CRADD: variants seen among roughly 807,000 people sequenced by gnomAD.
CRADD encodes CARD and death domain containing adaptor protein.
CRADD carries 9 observed loss-of-function variants against 15.5 expected under a neutral mutation model. The observed-to-expected ratio is 0.58, with a 90% confidence interval of 0.35 to 1.01. The LOEUF (loss-of-function observed/expected upper bound fraction) is 1.01, where lower values mean the gene tolerates loss of function less well. Among genes scored for constraint, CRADD ranks in the 50% least tolerant of loss-of-function variants. The pLI is 0.02. For missense variants in CRADD, 227 were observed against 250.3 expected, an observed-to-expected ratio of 0.91 and a Z score of 0.63; for synonymous variants, 118 against 107.6, an observed-to-expected ratio of 1.10 and a Z score of -0.60.
chr12:93,852,836 A>AGAGTGT (rs144242033), downstream of CRADD, among the ~76,000 whole-genome samples: 3 of 149,492 alleles, frequency 2.0e-5, no homozygotes, highest in Admixed American at 2.0e-4. Context: ...GTTGGGTTGG[A>AGAGTGT]GTGTGTGTGT....
chr12:93,793,715 A>C (rs1164213945), intron 2 of CRADD, among the ~76,000 whole-genome samples: 1 of 152,202 alleles, frequency 6.6e-6, no homozygotes, highest in Admixed American at 6.5e-5. Context: ...AATAGGTGGA[A>C]GAAGTGGGAT....
rs1957810797 is a variant in CRADD, at chr12:93,825,212, G to T, written c.299-24758G>T. Among the ~76,000 whole-genome samples, 3 of 152,298 alleles carry T rather than the reference G, an allele frequency of 2.0e-5. No homozygotes were observed. The South Asian group carries it at 6.2e-4, about 32-fold the overall frequency. On this transcript the variant is annotated intron_variant, in intron 2 of 2. Coordinates refer to ENST00000332896, the MANE Select transcript of CRADD (RefSeq NM_003805.5). ...TGAACTAGCCCGAAATTACTGCCCAGTAATCCTCTTTCTCACTCAAGAGAT... is the reference window on the plus strand; with the variant it reads ...TGAACTAGCCCGAAATTACTGCCCATTAATCCTCTTTCTCACTCAAGAGAT...
chr12:93,682,181 CCTA>C, intron 2 of CRADD, among the ~76,000 whole-genome samples: 1 of 152,274 alleles, frequency 6.6e-6, no homozygotes, highest in East Asian at 1.9e-4. Flanking sequence ...AAATCCAGAA[CCTA>C]CTGCCTAAGA....
At chr12:93,687,985 C>G (rs1186946074) in intron 2 of CRADD, among the ~76,000 whole-genome samples, 2 of 152,176 alleles carry the variant, frequency 1.3e-5, no homozygotes, top group Non-Finnish European at 2.9e-5. Context: ...TCATTACAAA[C>G]TACATGCAGT....
rs549061721 is a variant in CRADD, at chr12:93,751,629, C to T, written c.298+72557C>T. On this transcript the variant is annotated intron_variant, in intron 2 of 2. Coordinates refer to ENST00000332896, the MANE Select transcript of CRADD (RefSeq NM_003805.5). ...CCTGTAATCCCAGCACTTTGGAAGG[C>T]GGAGGCAGGCGGATCACTTGAGGTC... Among the ~76,000 whole-genome samples the T allele has an allele frequency of 2.6e-3, 399 of 152,268 alleles. 4 individuals are homozygous for T. The highest frequency in any genetic ancestry group is 9.0e-3 in the African/African-American group (375 of 41,558).
At chr12:93,883,184 A>G (rs892162429) in intron 2 of CRADD, among the ~76,000 whole-genome samples, 1 of 152,232 alleles carries the variant, frequency 6.6e-6, no homozygotes, top group Admixed American at 6.5e-5. Flanking sequence ...CTAAAATTAG[A>G]GGGCAGGTTT....
At chr12:93,872,503 G>T (rs79667599) in intron 2 of CRADD, among the ~76,000 whole-genome samples, 1 of 151,976 alleles carries the variant, frequency 6.6e-6, no homozygotes, top group African/African-American at 2.4e-5. Flanking sequence ...GGAGATTTTC[G>T]CCAATGTTTT....
chr12:93,822,532 A>G (rs1957780034), intron 2 of CRADD, among the ~76,000 whole-genome samples: 1 of 152,152 alleles, frequency 6.6e-6, no homozygotes, highest in Non-Finnish European at 1.5e-5. Context: ...CCTAGTGGTG[A>G]TCCTGGGCTC....
At chr12:93,753,482 C>G (rs1592961604) in intron 2 of CRADD, among the ~76,000 whole-genome samples, 1 of 152,282 alleles carries the variant, frequency 6.6e-6, no homozygotes, top group African/African-American at 2.4e-5. Context: ...AGTCCAAAGT[C>G]TCATCTGAGA....
chr12:93,678,604 A>G (rs1955210813), intron 1 of CRADD, among the ~76,000 whole-genome samples, 165 bp from the exon 2 acceptor site: 1 of 152,220 alleles, frequency 6.6e-6, no homozygotes, highest in African/African-American at 2.4e-5. Flanking sequence ...GAAACATTCA[A>G]AATTAACCTG....
intron 2 of CRADD, among the ~76,000 whole-genome samples, chr12:93,785,142 C>G (rs970903852): frequency 2.6e-5 from 4 of 151,914 alleles, no homozygotes; most frequent in Non-Finnish European, 1.5e-5. Flanking sequence ...CCAAACACCT[C>G]TAAAAATAAT....
intron 2 of CRADD, among the ~76,000 whole-genome samples, chr12:93,795,866 G>C (rs971559816): frequency 6.6e-5 from 10 of 152,160 alleles, no homozygotes; most frequent in Non-Finnish European, 1.5e-4. Flanking sequence ...CAAGGGCAAG[G>C]ATATTAATTT....
At chr12:93,814,409 A>C (rs1957667686) in intron 2 of CRADD, among the ~76,000 whole-genome samples, 1 of 152,184 alleles carries the variant, frequency 6.6e-6, no homozygotes, top group Non-Finnish European at 1.5e-5. Flanking sequence ...CCCAGAGTAC[A>C]CAAGGTTCAA....
chr12:93,823,221 G>A (rs1297687691), intron 2 of CRADD, among the ~76,000 whole-genome samples: 1 of 151,802 alleles, frequency 6.6e-6, no homozygotes. Context: ...GAACCCAGGA[G>A]GTGGAAGTTG....
chr12:93,717,698 T>C (rs976701280), intron 2 of CRADD, among the ~76,000 whole-genome samples: 2 of 152,100 alleles, frequency 1.3e-5, no homozygotes, highest in Non-Finnish European at 2.9e-5. Context: ...TTTTTGTATT[T>C]TTAGTAGAGA....
At chr12:93,722,128 T>C (rs962513326) in intron 2 of CRADD, among the ~76,000 whole-genome samples, 6 of 152,212 alleles carry the variant, frequency 3.9e-5, no homozygotes, top group Non-Finnish European at 7.4e-5. Context: ...TCTAAGTTGG[T>C]GGGTTTTTTC....
At chr12:93,864,834 G>T (rs1204915243) in intron 2 of CRADD, among the ~76,000 whole-genome samples, 2 of 152,188 alleles carry the variant, frequency 1.3e-5, no homozygotes, top group Non-Finnish European at 2.9e-5. Flanking sequence ...TGCAAGTTAT[G>T]TAACTTCTCT....
intron 2 of CRADD, chr12:93,849,159 G>A (rs1324803937): frequency 3.3e-5 from 5 of 152,220 alleles, no homozygotes; most frequent in South Asian, 2.1e-4. Context: ...CCTCTAGCAC[G>A]TGCCTTTCCT....
Position 93,790,470 on chromosome 12 carries a change from TA to T in CRADD, c.299-59490del, listed in dbSNP as rs538814992. Among the ~76,000 whole-genome samples, 334 of 140,030 alleles carry T rather than the reference TA, an allele frequency of 2.4e-3. 1 individual carries two copies. The highest frequency in any genetic ancestry group is 7.1e-3 in the African/African-American group (265 of 37,374). 91.9% of individuals were successfully genotyped at this position (140,030 alleles called of 152,430 possible). A position where few individuals can be genotyped will look rare whatever the true frequency, so the allele number is the denominator to read the frequency against. On this transcript the variant is annotated intron_variant, in intron 2 of 2. Coordinates refer to ENST00000332896, the MANE Select transcript of CRADD (RefSeq NM_003805.5). ...AAAACTTAAAGTATTATGATAATAATAAAAAAAAAAGAAACTCAACTAAAGC... is the reference window on the plus strand; with the variant it reads ...AAAACTTAAAGTATTATGATAATAATAAAAAAAAAGAAACTCAACTAAAGC...
Sources: gnomAD v4.1 joint callset for allele counts (sites outside exome capture counted in the v4.1 genomes callset) on GRCh38, gnomAD v4.1.1 for gene constraint, MANE v1.5 for transcripts, NCBI Gene and HGNC (gene_info 2026-07-23, HGNC 2026-07-21) for gene names.